Variants in FAM153A observed in about 807,000 individuals in gnomAD.
FAM153A encodes protein FAM153A.
A neutral mutation model predicts 48.1 loss-of-function variants in FAM153A; 12 were observed. The ratio of observed to expected loss-of-function variants is 0.25; its 90% CI spans 0.16 to 0.40. The LOEUF is 0.40. Among genes scored for constraint, FAM153A ranks in the 10% least tolerant of loss-of-function variants. The probability of loss-of-function intolerance (pLI) is 1.00; values close to 1 mark genes in which losing one functional copy is unlikely to be tolerated. For synonymous variants in FAM153A, 36 were observed against 118.2 expected (o/e 0.30, Z 4.51); for missense variants, 111 against 345.8 (o/e 0.32, Z 5.38).
At chr5:177,696,217 C>T in the FAM153A span, among the ~76,000 whole-genome samples, 1 of 138,756 alleles carries the variant, frequency 7.2e-6, no homozygotes, top group Non-Finnish European at 1.5e-5. Context: ...CCTCACTTCC[C>T]AGATGATGGG....
chr5:177,752,645 A>G (rs1409438528), intron 1 of FAM153A, among the ~76,000 whole-genome samples: 36 of 133,342 alleles, frequency 2.7e-4, no homozygotes, highest in Non-Finnish European at 3.5e-4. Context: ...AAAAAAAAGA[A>G]AAGTCCAGGC....
chr5:177,711,966 T>C (rs1380226440), exon 27 of FAM153A: 1 of 151,854 alleles, frequency 6.6e-6, no homozygotes, highest in Non-Finnish European at 1.5e-5. Flanking sequence ...TTCTTCTTCT[T>C]TAGTTTCAAA....
downstream of FAM153A, among the ~76,000 whole-genome samples, chr5:177,703,108 CTG>C (rs1350729120): frequency 1.3e-5 from 2 of 152,194 alleles, no homozygotes; most frequent in African/African-American, 4.8e-5. Context: ...AGCTTGCACT[CTG>C]TGCCTGGAAA....
intron 1 of FAM153A, among the ~76,000 whole-genome samples, chr5:177,764,768 A>G (rs1176676975): frequency 6.6e-6 from 1 of 151,356 alleles, no homozygotes; most frequent in African/African-American, 2.4e-5. Context: ...GAACCCCTGC[A>G]CTGAGACAAA....
Position 177,730,205 on chromosome 5 carries a change from G to A in FAM153A, c.863-650C>T, listed in dbSNP as rs1340419189. Among the ~76,000 whole-genome samples, 3 of 113,564 alleles carry A rather than the reference G, an allele frequency of 2.6e-5. 1 individual carries two copies. Among genetic ancestry groups the A allele is most frequent in the Non-Finnish European group, 5.9e-5 (3 of 50,764 alleles). 74.5% of individuals were successfully genotyped at this position (113,564 alleles called of 152,430 possible). ...TCATGCTCACACTGACTCCAGCACTGGGACAGCCTGTCATGGGGAGCAGCG... is the reference window on the plus strand; with the variant it reads ...TCATGCTCACACTGACTCCAGCACTAGGACAGCCTGTCATGGGGAGCAGCG... On this transcript the variant is annotated intron_variant, in intron 16 of 20. Transcript: ENST00000614127.
In FAM153A at chr5:177,716,792, A is replaced by G. The variant is rs888250447; in HGVS notation, c.*1151+371T>C. On this transcript the variant is annotated intron_variant and NMD_transcript_variant, in intron 24 of 26. Coordinates refer to the FAM153A transcript ENST00000360669. ...TTTAACAAAAATCAAGAGGACTAAT[A>G]GATGATCTCTTCTTTTTCTTTTGTG... 7.9e-5 allele frequency among the ~76,000 whole-genome samples: 12 copies of G among 151,928 alleles called. 1 individual carries two copies. Among genetic ancestry groups the G allele is most frequent in the Non-Finnish European group, 1.8e-4 (12 of 68,048 alleles).
chr5:177,695,976 C>T, the FAM153A span, among the ~76,000 whole-genome samples: 123 of 79,166 alleles, frequency 1.6e-3, 1 homozygote, highest in Non-Finnish European at 2.2e-3. Context: ...GAGGCACTCC[C>T]CACTTCCCAG....
At chr5:177,755,440 A>G (rs1169023753), upstream of FAM153A, among the ~76,000 whole-genome samples, 5 of 151,864 alleles carry the variant, frequency 3.3e-5, no homozygotes, top group African/African-American at 4.9e-5. Context: ...AACTTCCCCA[A>G]TCGAGCAAGG....
downstream of FAM153A, among the ~76,000 whole-genome samples, chr5:177,710,423 T>A (rs185623057): frequency 8.4e-4 from 127 of 151,850 alleles, no homozygotes; most frequent in African/African-American, 2.9e-3. Context: ...ATACATTTTT[T>A]AAAATCTTGT....
At chr5:177,696,185 G>GAT in the FAM153A span, among the ~76,000 whole-genome samples, 4,003 of 112,294 alleles carry the variant, frequency 0.036, 414 homozygotes, top group East Asian at 0.14. Flanking sequence ...CTTCCTAGAT[G>GAT]GGGCGGCCGG....
chr5:177,730,154 G>A (rs1763533096), intron 16 of FAM153A, among the ~76,000 whole-genome samples: 1 of 107,844 alleles, frequency 9.3e-6, no homozygotes, highest in Non-Finnish European at 2.1e-5. Flanking sequence ...AACAGAATTT[G>A]TGTGCACCAT....
At chr5:177,737,159 C>T (rs1239929166) in intron 10 of FAM153A, 47 bp from the exon 13 acceptor site, 1 of 1,388,236 alleles carries the variant, frequency 7.2e-7, no homozygotes, top group Non-Finnish European at 9.9e-7. Flanking sequence ...CTGAGTGAAT[C>T]CCTCAGGTGG....
the FAM153A span, among the ~76,000 whole-genome samples, chr5:177,695,028 A>G: frequency 2.1e-4 from 32 of 149,150 alleles, no homozygotes; most frequent in African/African-American, 7.8e-4. Flanking sequence ...GGTTCAAGCA[A>G]TTCTTATGCC....
upstream of FAM153A, among the ~76,000 whole-genome samples, chr5:177,756,911 C>T (rs369815210): frequency 5.4e-4 from 67 of 123,792 alleles, 4 homozygotes; most frequent in East Asian, 0.013. Flanking sequence ...AACACCCTAA[C>T]ATCACAATTA....
At chr5:177,710,468 A>G (rs1421576167), downstream of FAM153A, among the ~76,000 whole-genome samples, 1 of 151,826 alleles carries the variant, frequency 6.6e-6, no homozygotes. Flanking sequence ...TAACAGTAGC[A>G]GCTATTTCAC....
At chr5:177,713,180 A>C (rs1459732825) in intron 26 of FAM153A, 1 of 151,974 alleles carries the variant, frequency 6.6e-6, no homozygotes, top group African/African-American at 2.4e-5. Flanking sequence ...CCTAACAAAG[A>C]AAATAATCTC....
At chr5:177,706,462 G>A (rs1757901641), downstream of FAM153A, among the ~76,000 whole-genome samples, 1 of 151,888 alleles carries the variant, frequency 6.6e-6, no homozygotes, top group Non-Finnish European at 1.5e-5. Flanking sequence ...GCCTCCCAAA[G>A]TGCTGGGATT....
chr5:177,768,356 T>C (rs572788245), intron 1 of FAM153A, among the ~76,000 whole-genome samples: 83 of 152,212 alleles, frequency 5.5e-4, no homozygotes, highest in Non-Finnish European at 9.7e-4. Flanking sequence ...CACTGATTAA[T>C]CACTGGCCTT....
At chr5:177,703,603 G>A (rs1294898304), downstream of FAM153A, among the ~76,000 whole-genome samples, 55 of 148,108 alleles carry the variant, frequency 3.7e-4, no homozygotes, top group African/African-American at 1.1e-3. Context: ...GTTTGAGGTC[G>A]GGCATGGTGG....
Sources: gnomAD v4.1 joint callset for allele counts (sites outside exome capture counted in the v4.1 genomes callset) on GRCh38, gnomAD v4.1.1 for gene constraint, MANE v1.5 for transcripts, NCBI Gene and HGNC (gene_info 2026-07-23, HGNC 2026-07-21) for gene names.